BLOC1S2: variants seen among roughly 807,000 people sequenced by gnomAD.
The protein encoded by BLOC1S2 is biogenesis of lysosomal organelles complex 1 subunit 2.
A neutral mutation model predicts 19.6 loss-of-function variants in BLOC1S2; 12 were observed. The ratio of observed to expected loss-of-function variants is 0.61; its 90% CI spans 0.39 to 0.99. The LOEUF (loss-of-function observed/expected upper bound fraction) is 0.99. BLOC1S2 is among the 50% of genes least tolerant of loss of function. The probability of loss-of-function intolerance (pLI) is 0.00; values close to 1 mark genes in which losing one functional copy is unlikely to be tolerated. For missense variants in BLOC1S2, 142 were observed against 171.0 expected, an observed-to-expected ratio of 0.83 and a Z score of 0.95; for synonymous variants, 66 against 64.1, an observed-to-expected ratio of 1.03 and a Z score of -0.14.
At chr10:100,279,835 C>T (rs977674263) in intron 4 of BLOC1S2, among the ~76,000 whole-genome samples, 3 of 151,992 alleles carry the variant, frequency 2.0e-5, no homozygotes, top group East Asian at 1.9e-4. Flanking sequence ...GAGCCGAGAT[C>T]GCACCATTGC....
intron 4 of BLOC1S2, among the ~76,000 whole-genome samples, chr10:100,277,491 G>C (rs1466887946): frequency 8.1e-6 from 1 of 123,100 alleles, no homozygotes; most frequent in Non-Finnish European, 1.8e-5. Flanking sequence ...CAGCCGTCCC[G>C]TCCGGGAGGG....
At chr10:100,284,781 G>A (rs1276263997) in intron 2 of BLOC1S2, among the ~76,000 whole-genome samples, 1 of 151,974 alleles carries the variant, frequency 6.6e-6, no homozygotes, top group Non-Finnish European at 1.5e-5. Flanking sequence ...ATGAGCCACC[G>A]TGCCTGGCCA....
chr10:100,280,513 G>A (rs544384272), intron 3 of BLOC1S2, among the ~76,000 whole-genome samples: 1 of 152,044 alleles, frequency 6.6e-6, no homozygotes, highest in South Asian at 2.1e-4. Flanking sequence ...TGTTTCTTGG[G>A]TACTCCCATA....
intron 4 of BLOC1S2, among the ~76,000 whole-genome samples, chr10:100,278,802 TG>T (rs1397169535): frequency 7.9e-6 from 1 of 125,886 alleles, no homozygotes; most frequent in African/African-American, 2.9e-5. Flanking sequence ...CACCCAAGAA[TG>T]ATCAATAAAA....
intron 2 of BLOC1S2, among the ~76,000 whole-genome samples, chr10:100,285,542 C>T (rs922902197): frequency 4.6e-5 from 7 of 152,184 alleles, no homozygotes; most frequent in East Asian, 1.9e-4. Flanking sequence ...CATGAGCCAC[C>T]GCGCCCTGCC....
chr10:100,282,182 T>C (rs961186209), intron 2 of BLOC1S2, among the ~76,000 whole-genome samples: 7 of 152,322 alleles, frequency 4.6e-5, no homozygotes, highest in African/African-American at 1.7e-4. Flanking sequence ...TATGTATCAA[T>C]ATATTCAGAT....
At chr10:100,286,526 C>G in intron 1 of BLOC1S2, 79 bp downstream of exon 1, 1 of 1,580,856 alleles carries the variant, frequency 6.3e-7, no homozygotes, top group East Asian at 2.3e-5. Context: ...AGGTGAGCCA[C>G]CACACACTCA....
chr10:100,277,494 C>T (rs1847931301), intron 4 of BLOC1S2, among the ~76,000 whole-genome samples: 1 of 117,096 alleles, frequency 8.5e-6, no homozygotes. Context: ...CCGTCCCGTC[C>T]GGGAGGGAGG....
chr10:100,280,328 G>A, intron 3 of BLOC1S2, 100 bp from the exon 4 acceptor site: 1 of 1,040,152 alleles, frequency 9.6e-7, no homozygotes, highest in Non-Finnish European at 1.4e-6. Flanking sequence ...CTCCAGCTAT[G>A]CTAAGACAGA....
In BLOC1S2 at chr10:100,286,631, G is replaced by T. The variant is rs774823522; in HGVS notation, c.29C>A (p.Ala10Glu). 1 of 1,611,698 alleles carries T rather than the reference G, an allele frequency of 6.2e-7. No homozygotes were observed. Among genetic ancestry groups the T allele is most frequent in the East Asian group, 2.2e-5 (1 of 44,832 alleles). Reference sequence around the variant, plus strand: ...TCGGGCGGGCTCATCACTCCGGGTCGCCAGTACGCCCTCGGCTGCCGCCGC... The same window carrying T: ...TCGGGCGGGCTCATCACTCCGGGTCTCCAGTACGCCCTCGGCTGCCGCCGC... MAAAAEGVLATRSDEPARDD... is the reference protein window; with the variant it reads MAAAAEGVLETRSDEPARDD... Residue 10 changes from alanine to glutamate, a missense_variant, in exon 1 of 5, where the codon GCG (alanine) becomes GAG (glutamate). Coordinates refer to ENST00000370372, the MANE Select transcript of BLOC1S2 (RefSeq NM_173809.5).
At chr10:100,277,593 G>A (rs970983216) in intron 4 of BLOC1S2, among the ~76,000 whole-genome samples, 1 of 123,188 alleles carries the variant, frequency 8.1e-6, no homozygotes, top group African/African-American at 3.2e-5. Flanking sequence ...CGCTCCGTCC[G>A]GGAGGGAGGT....
intron 2 of BLOC1S2, among the ~76,000 whole-genome samples, chr10:100,284,356 A>G (rs1392894691): frequency 1.3e-5 from 2 of 152,234 alleles, no homozygotes; most frequent in African/African-American, 2.4e-5. Flanking sequence ...TCAAAAATAA[A>G]CAAACAAATA....
Position 100,275,368 on chromosome 10 carries a change from G to A in BLOC1S2, c.*94C>T. 6.8e-6 allele frequency: 9 copies of A among 1,316,334 alleles called. No individual in the cohort carries two copies. The highest frequency in any genetic ancestry group is 2.4e-5 in the East Asian group (1 of 42,492). The allele number at this position is 1,316,334 out of a possible 1,614,324, so 81.5% of individuals were successfully genotyped here. The stretch of plus-strand genomic sequence containing the variant: ...ATGACCAGCATAATTTCCTTTTGAG[G>A]AATTTTCACAATTCATCAGCCTCAG... On this transcript the variant is annotated 3_prime_UTR_variant, in exon 5 of 5. Transcript: ENST00000370372.
intron 4 of BLOC1S2, among the ~76,000 whole-genome samples, chr10:100,278,219 GC>G (rs1167375129): frequency 6.7e-6 from 1 of 150,300 alleles, no homozygotes; most frequent in Non-Finnish European, 1.5e-5. Context: ...GGGGGGGTCA[GC>G]CCCCCGCCTG....
chr10:100,278,181 G>A (rs1171383285), intron 4 of BLOC1S2, among the ~76,000 whole-genome samples: 1 of 147,700 alleles, frequency 6.8e-6, no homozygotes, highest in Non-Finnish European at 1.5e-5. Flanking sequence ...CCCCCTACCC[G>A]GCCAGCCGCC....
chr10:100,285,918 T>C (rs1848222286), intron 2 of BLOC1S2, among the ~76,000 whole-genome samples, 179 bp downstream of exon 2: 4 of 152,218 alleles, frequency 2.6e-5, no homozygotes. Flanking sequence ...CATTAGTCTA[T>C]GTTACAGAGG....
At position 100,275,509 on chromosome 10, in the gene BLOC1S2, G is replaced by A; in HGVS notation, c.398-16C>T. On this transcript the variant is annotated splice_polypyrimidine_tract_variant and intron_variant, in intron 4 of 4. Transcript: ENST00000370372. ...TACTTGGCTTCTGTGAGGGATGAGG[G>A]AGAGTTACATCTTTTAAAACTGGCT... The A allele has an allele frequency of 6.2e-7, 1 of 1,602,998 alleles. No homozygotes were observed. Among genetic ancestry groups the A allele is most frequent in the South Asian group, 1.1e-5 (1 of 88,832 alleles).
intron 4 of BLOC1S2, among the ~76,000 whole-genome samples, chr10:100,277,843 G>GC (rs1847962977): frequency 7.9e-6 from 1 of 126,004 alleles, no homozygotes; most frequent in African/African-American, 3.2e-5. Flanking sequence ...GGGGGAGTCA[G>GC]CCCCCCGCCC....
At chr10:100,277,310 C>A (rs1847917697) in intron 4 of BLOC1S2, among the ~76,000 whole-genome samples, 1 of 151,980 alleles carries the variant, frequency 6.6e-6, no homozygotes, top group African/African-American at 2.4e-5. Context: ...CGCCCGGCAG[C>A]CACCCCGGCC....
Sources: gnomAD v4.1 joint callset for allele counts (sites outside exome capture counted in the v4.1 genomes callset) on GRCh38, gnomAD v4.1.1 for gene constraint, MANE v1.5 for transcripts, NCBI Gene and HGNC (gene_info 2026-07-23, HGNC 2026-07-21) for gene names.